SEC16B: variants seen among roughly 807,000 people sequenced by gnomAD.
SEC16B encodes protein transport protein Sec16B.
A neutral mutation model predicts 141.8 loss-of-function variants in SEC16B; 115 were observed. The ratio of observed to expected loss-of-function variants is 0.81; its 90% CI spans 0.70 to 0.95. SEC16B has a LOEUF of 0.95. Among genes scored for constraint, SEC16B ranks in the 40% least tolerant of loss-of-function variants. SEC16B has a pLI of 0.00. For missense variants in SEC16B, 1,291 were observed against 1,312.3 expected (o/e 0.98, Z 0.25); for synonymous variants, 493 against 492.5 (o/e 1.00, Z -0.01).
At chr1:177,949,524 TAG>T (rs148147693) in intron 12 of SEC16B, among the ~76,000 whole-genome samples, 115 of 146,760 alleles carry the variant, frequency 7.8e-4, no homozygotes, top group Admixed American at 8.9e-4. Context: ...GGGGACACAG[TAG>T]AGAGAGAGAG....
intron 18 of SEC16B, among the ~76,000 whole-genome samples, chr1:177,938,016 G>A (rs1018770909): frequency 2.0e-5 from 3 of 152,106 alleles, no homozygotes; most frequent in East Asian, 1.9e-4. Context: ...GTTAAGTCCC[G>A]CACCCCTACA....
intron 6 of SEC16B, chr1:177,961,355 C>T: frequency 1.9e-6 from 1 of 521,774 alleles, no homozygotes; most frequent in Non-Finnish European, 3.3e-6. Flanking sequence ...TGCCTCCTTT[C>T]CCAACTTGAT....
rs750233802 is a variant in SEC16B, at chr1:177,968,023, G to A, written c.-42C>T. ...TTGTCCTGGGTTTTGAGTAAGTTGTGCAGTTATTTTATCTTCCTGCAGACA... is the reference window on the plus strand; with the variant it reads ...TTGTCCTGGGTTTTGAGTAAGTTGTACAGTTATTTTATCTTCCTGCAGACA... On this transcript the variant is annotated 5_prime_UTR_variant, in exon 2 of 26. Coordinates refer to ENST00000308284, the MANE Select transcript of SEC16B (RefSeq NM_033127.4). 8 of 1,533,692 alleles carry A rather than the reference G, an allele frequency of 5.2e-6. No individual in the cohort carries two copies. The highest frequency in any genetic ancestry group is 1.3e-5 in the South Asian group (1 of 79,962).
chr1:177,964,480 T>C lies in SEC16B; in HGVS notation c.534-201A>G, dbSNP rs185761872. Among the ~76,000 whole-genome samples the C allele has an allele frequency of 2.5e-3, 383 of 152,318 alleles. 1 individual carries two copies. The highest frequency in any genetic ancestry group is 3.9e-3 in the Non-Finnish European group (262 of 68,024). On this transcript the variant is annotated intron_variant, in intron 4 of 25. Transcript: ENST00000308284. ...AACAGGAGTGCTGGAGTTCCACAGC[T>C]CAGTGGCTGGAAGTGGCCTCAGGCC...
intron 15 of SEC16B, among the ~76,000 whole-genome samples, chr1:177,942,929 T>TA (rs1651392989): frequency 6.6e-6 from 1 of 152,136 alleles, no homozygotes; most frequent in Admixed American, 6.5e-5. Context: ...CCTTGGTTGT[T>TA]ATGGAGATTA....
chr1:177,958,486 A>G, intron 9 of SEC16B, 124 bp from the exon 10 acceptor site: 1 of 716,612 alleles, frequency 1.4e-6, no homozygotes, highest in South Asian at 2.2e-5. Flanking sequence ...TGCAAACATA[A>G]GGCAGTCCTT....
intron 5 of SEC16B, among the ~76,000 whole-genome samples, chr1:177,963,882 G>A (rs1258748134): frequency 6.6e-6 from 1 of 152,144 alleles, no homozygotes; most frequent in African/African-American, 2.4e-5. Flanking sequence ...TGATGACAGC[G>A]TCCTCTCTTT....
intron 10 of SEC16B, among the ~76,000 whole-genome samples, chr1:177,955,089 G>C (rs1361902038): frequency 2.0e-5 from 3 of 151,804 alleles, no homozygotes; most frequent in African/African-American, 7.3e-5. Flanking sequence ...GAGGATCAAA[G>C]CCTCAATAGA....
At chr1:177,960,183 C>T (rs990848918) in intron 8 of SEC16B, 159 bp downstream of exon 8, 3 of 616,828 alleles carry the variant, frequency 4.9e-6, no homozygotes, top group African/African-American at 3.7e-5. Context: ...TGACTCAGGC[C>T]ACATCTGGTT....
At chr1:177,948,241 G>T in intron 12 of SEC16B, 2 of 897,012 alleles carry the variant, frequency 2.2e-6, no homozygotes, top group Non-Finnish European at 3.1e-6. Flanking sequence ...TCTCCCCAGT[G>T]CCTGACCCCC....
chr1:177,955,223 C>A (rs114892775), intron 10 of SEC16B, among the ~76,000 whole-genome samples: 2,904 of 152,100 alleles, frequency 0.019, 89 homozygotes, highest in African/African-American at 0.066. Flanking sequence ...AGGCCCGGTG[C>A]GGTGGCTCAC....
intron 12 of SEC16B, chr1:177,948,427 A>G (rs577705890): frequency 7.7e-7 from 1 of 1,304,324 alleles, no homozygotes; most frequent in Non-Finnish European, 1.0e-6. Flanking sequence ...AAGCCCATTC[A>G]CACACATCCT....
chr1:177,948,515 A>T (rs1011420432), intron 12 of SEC16B: 1 of 1,304,334 alleles, frequency 7.7e-7, no homozygotes, highest in Middle Eastern at 2.1e-4. Flanking sequence ...CAAGTGGCCC[A>T]GCTAGGACGA....
intron 18 of SEC16B, among the ~76,000 whole-genome samples, chr1:177,939,489 A>C (rs1651112660): frequency 6.6e-6 from 1 of 152,250 alleles, no homozygotes; most frequent in South Asian, 2.1e-4. Flanking sequence ...ATCATGAAGC[A>C]GAAGCTCAGA....
chr1:177,982,168 T>C (rs1444049069), intron 1 of SEC16B, among the ~76,000 whole-genome samples: 1 of 151,958 alleles, frequency 6.6e-6, no homozygotes, highest in Non-Finnish European at 1.5e-5. Flanking sequence ...CTGGAGTCCA[T>C]AGGGTTGGTG....
chr1:177,944,941 C>A (rs1225732823), intron 14 of SEC16B, among the ~76,000 whole-genome samples: 1 of 152,170 alleles, frequency 6.6e-6, no homozygotes, highest in Non-Finnish European at 1.5e-5. Context: ...AGGGGGGTCA[C>A]CTGCCTTCTT....
intron 14 of SEC16B, chr1:177,945,935 A>G (rs753499439): frequency 1.4e-5 from 3 of 218,066 alleles, no homozygotes; most frequent in Non-Finnish European, 2.7e-5. Context: ...GAATGTCACC[A>G]GTGGGACTCT....
intron 1 of SEC16B, among the ~76,000 whole-genome samples, chr1:177,968,589 C>T (rs1481843936): frequency 1.3e-5 from 2 of 152,156 alleles, no homozygotes; most frequent in African/African-American, 2.4e-5. Flanking sequence ...AAGTGCGTAA[C>T]ATGTTACCTA....
At chr1:177,979,010 G>A (rs987321326) in intron 1 of SEC16B, among the ~76,000 whole-genome samples, 1 of 152,050 alleles carries the variant, frequency 6.6e-6, no homozygotes, top group African/African-American at 2.4e-5. Context: ...CCATTTTAGA[G>A]GCAATAAAAG....
Sources: allele counts gnomAD v4.1 joint callset (sites outside exome capture counted in the v4.1 genomes callset), GRCh38; gene constraint gnomAD v4.1.1; transcripts MANE v1.5; gene names NCBI Gene and HGNC (gene_info 2026-07-23, HGNC 2026-07-21).